Variants in TNS1 observed in about 807,000 individuals in gnomAD.
TNS1 encodes tensin-1.
Under a neutral mutation model 168.6 loss-of-function variants are expected in TNS1, and 62 were observed. The observed-to-expected ratio is 0.37, with a 90% confidence interval of 0.30 to 0.45. TNS1 has a LOEUF of 0.45. Ranked by LOEUF, TNS1 falls within the 20% of genes least tolerant of loss-of-function variation. The pLI is 1.00. For missense variants in TNS1, 2,240 were observed against 2,339.4 expected (o/e 0.96, Z 0.88); for synonymous variants, 934 against 933.2 (o/e 1.00, Z -0.02).
At chr2:218,022,882 A>G in intron 1 of TNS1, among the ~76,000 whole-genome samples, 1 of 152,160 alleles carries the variant, frequency 6.6e-6, no homozygotes, top group East Asian at 1.9e-4. Context: ...GGGGGCAGTC[A>G]GAAGAGCCAA....
At chr2:218,029,035 G>A (rs200732243) in intron 1 of TNS1, among the ~76,000 whole-genome samples, 27 of 152,276 alleles carry the variant, frequency 1.8e-4, no homozygotes, top group Non-Finnish European at 3.7e-4. Context: ...TTTCCCTTCC[G>A]GAAATAGCAA....
At chr2:217,833,866 T>G (rs1452988331) in intron 21 of TNS1, among the ~76,000 whole-genome samples, 2 of 152,244 alleles carry the variant, frequency 1.3e-5, no homozygotes, top group Non-Finnish European at 2.9e-5. Flanking sequence ...TGGGGTTAAA[T>G]AAAACATATT....
chr2:217,818,053 A>C lies in TNS1; in HGVS notation c.4279T>G (p.Tyr1427Asp). 6.2e-7 allele frequency: 1 copy of C among 1,609,380 alleles called. No individual in the cohort carries two copies. The highest frequency in any genetic ancestry group is 8.5e-7 in the Non-Finnish European group (1 of 1,177,864). ...TCCTCCGGGGTAGAATAGCCACCAT[A>C]GGCCACATGCCGGTCCAAGCAGGGG... is the stretch of plus-strand genomic sequence containing the variant. ...GSPCLDRHVA[Y>D]GGYSTPEDRR... Residue 1427 changes from tyrosine to aspartate, a missense_variant, in exon 24 of 33, where the codon TAT (tyrosine) becomes GAT (aspartate). Tyr to Asp is a radical substitution (Grantham distance 160). Around this residue, in one of 2 missense-constraint regions of TNS1, gnomAD observed 2,131 missense variants for 2,171.2 expected, o/e 0.98. Coordinates refer to ENST00000682258, the MANE Select transcript of TNS1 (RefSeq NM_001387777.1).
intron 3 of TNS1, among the ~76,000 whole-genome samples, chr2:217,925,127 TA>T (rs1309786582): frequency 6.6e-6 from 1 of 152,266 alleles, no homozygotes. Flanking sequence ...TATTATTGCC[TA>T]TTTTATTGTG....
chr2:217,965,057 G>C (rs367852481), intron 3 of TNS1, among the ~76,000 whole-genome samples: 7 of 152,346 alleles, frequency 4.6e-5, no homozygotes, highest in African/African-American at 1.4e-4. Context: ...AGGGCCAGCA[G>C]GTGGCTGCAG....
chr2:217,839,656 G>A (rs897265461), intron 19 of TNS1, among the ~76,000 whole-genome samples: 1 of 152,136 alleles, frequency 6.6e-6, no homozygotes, highest in Non-Finnish European at 1.5e-5. Context: ...AAGCACTGCT[G>A]CCCACCACCC....
Position 217,890,974 on chromosome 2 carries a change from G to A in TNS1, c.854C>T (p.Pro285Leu). 1 of 1,614,248 alleles carries A rather than the reference G, an allele frequency of 6.2e-7. No homozygotes were observed. The highest frequency in any genetic ancestry group is 1.1e-5 in the South Asian group (1 of 91,086). Residue 285 changes from proline (P) to leucine (L), a missense_variant, in exon 12 of 33, where the codon CCA becomes CTA. Pro to Leu is a moderately conservative substitution (Grantham distance 98). Transcript: ENST00000682258. ...CCCAGAGACCCACCTTCTTTGGGAT[G>A]GCTGGCCAATGGGCACAATCTTATC... is the stretch of plus-strand genomic sequence containing the variant. ...YEDKIVPIGQPSQRRYVHYFS... is the reference protein window; with the variant it reads ...YEDKIVPIGQLSQRRYVHYFS...
chr2:217,930,159 G>A (rs971480728), intron 3 of TNS1, among the ~76,000 whole-genome samples: 1 of 152,178 alleles, frequency 6.6e-6, no homozygotes, highest in African/African-American at 2.4e-5. Context: ...CATTCAATAC[G>A]GCGCACTCTG....
At position 217,818,480 on chromosome 2, in the gene TNS1, C is replaced by T. The variant is rs2552525; in HGVS notation, c.3852G>A (p.Ala1284=). 20,236 of 1,614,166 alleles carry T rather than the reference C, an allele frequency of 0.013. 2,079 individuals carry two copies. The African/African-American group carries it at 0.23, about 18-fold the overall frequency. ...GVHTVPGSPQ[A]RHRTVGTNTP... ...TGTTGGTGCCCACTGTTCTGTGGCG[C>T]GCCTGAGGGCTCCCAGGCACCGTGT... Residue 1284 remains alanine (A), a synonymous_variant, in exon 24 of 33, where the codon GCG becomes GCA. Coordinates refer to ENST00000682258, the MANE Select transcript of TNS1 (RefSeq NM_001387777.1).
intron 1 of TNS1, among the ~76,000 whole-genome samples, chr2:218,022,626 C>T (rs1490334973): frequency 6.6e-6 from 1 of 151,788 alleles, no homozygotes; most frequent in Non-Finnish European, 1.5e-5. Flanking sequence ...CACAAAGGGC[C>T]TCTGGCTCAC....
Position 217,990,100 on chromosome 2 carries a change from A to ACACACATCATCCACACGCCATC in TNS1, c.148+820_148+841dup, listed in dbSNP as rs1467688228. Among the ~76,000 whole-genome samples, 800 of 131,284 alleles carry ACACACATCATCCACACGCCATC rather than the reference A, an allele frequency of 6.1e-3. 4 individuals are homozygous for ACACACATCATCCACACGCCATC. Among genetic ancestry groups the ACACACATCATCCACACGCCATC allele is most frequent in the Non-Finnish European group, 9.7e-3 (591 of 60,976 alleles). 86.1% of individuals were successfully genotyped at this position (131,284 alleles called of 152,430 possible). On this transcript the variant is annotated intron_variant, in intron 2 of 32. Transcript: ENST00000682258. ...TCCACACACCAGCCACGGACCCTCA[A>ACACACATCATCCACACGCCATC]CACACATCATCCACACGCCATCCAC...
intron 1 of TNS1, among the ~76,000 whole-genome samples, chr2:217,998,662 G>C (rs968882176): frequency 2.0e-5 from 3 of 152,166 alleles, no homozygotes; most frequent in African/African-American, 7.2e-5. Flanking sequence ...ACCATGCCCA[G>C]ATAACTTATT....
chr2:217,966,984 A>G (rs1344765125), intron 3 of TNS1, among the ~76,000 whole-genome samples: 6 of 152,220 alleles, frequency 3.9e-5, no homozygotes, highest in Non-Finnish European at 5.9e-5. Flanking sequence ...GGATTAAATG[A>G]GAAGAGTGTC....
chr2:217,989,484 G>A (rs1958294977), intron 2 of TNS1, among the ~76,000 whole-genome samples: 1 of 152,140 alleles, frequency 6.6e-6, no homozygotes, highest in Non-Finnish European at 1.5e-5. Flanking sequence ...ACGTGGGGGT[G>A]AAGGAGAGGG....
At position 217,827,201 on chromosome 2, in the gene TNS1, C is replaced by T. The variant is rs1442647384; in HGVS notation, c.3373+4254G>A. Among the ~76,000 whole-genome samples, 5 of 152,132 alleles carry T rather than the reference C, an allele frequency of 3.3e-5. No homozygotes were observed. The East Asian group carries it at 5.8e-4, about 18-fold the overall frequency. On this transcript the variant is annotated intron_variant, in intron 22 of 32. Coordinates refer to ENST00000682258, the MANE Select transcript of TNS1 (RefSeq NM_001387777.1). ...CCCAAAGCCTGGCAAACAGTCAGCG[C>T]ACAAAGTATTATGAATAAATGAATC...
rs1937699031 is a variant in TNS1 at position 217,803,021 on chromosome 2, C to T, written c.*1438G>A. Reference sequence around the variant, plus strand: ...TTGGCCCAAGTGCAAGCCTTCTGCCCTCTGCTGCATGGGCAGCGTGGCTCA... The same window carrying T: ...TTGGCCCAAGTGCAAGCCTTCTGCCTTCTGCTGCATGGGCAGCGTGGCTCA... On this transcript the variant is annotated 3_prime_UTR_variant, in exon 33 of 33. Transcript: ENST00000682258. 6.6e-6 allele frequency: 1 copy of T among 152,648 alleles called. No homozygotes were observed. The highest frequency in any genetic ancestry group is 1.5e-5 in the Non-Finnish European group (1 of 68,068). The allele number at this position is 152,648 out of a possible 1,614,324, so 9.5% of individuals were successfully genotyped here. A position where few individuals can be genotyped will look rare whatever the true frequency, so the allele number is the denominator to read the frequency against.
chr2:217,964,362 T>C (rs1957571671), intron 3 of TNS1, among the ~76,000 whole-genome samples: 1 of 152,038 alleles, frequency 6.6e-6, no homozygotes, highest in South Asian at 2.1e-4. Context: ...GTGTCAGAGA[T>C]AGTGAGTGTT....
In TNS1 at chr2:217,900,752, G is replaced by A. The variant is rs770607296; in HGVS notation, c.322-240C>T. 72 of 554,116 alleles carry A rather than the reference G, an allele frequency of 1.3e-4. No individual in the cohort carries two copies. The Middle Eastern group carries it at 1.4e-3, about 11-fold the overall frequency. 34.3% of individuals were successfully genotyped at this position (554,116 alleles called of 1,614,324 possible). A position where few individuals can be genotyped will look rare whatever the true frequency, so the allele number is the denominator to read the frequency against. ...CCAGAGGGACAAAAGGAAGAATCCC[G>A]AATGCTGAGGAGTGCACCCCACTGG... On this transcript the variant is annotated intron_variant, in intron 6 of 32. Transcript: ENST00000682258.
Position 217,831,481 on chromosome 2 carries a change from G to C in TNS1, c.3347C>G (p.Ala1116Gly). 6.3e-7 allele frequency: 1 copy of C among 1,588,998 alleles called. No homozygotes were observed. The highest frequency in any genetic ancestry group is 8.6e-7 in the Non-Finnish European group (1 of 1,168,652). Reference sequence around the variant, plus strand: ...TCCTGTGGGGTGCAACAGGATGTCCGCTGGGTTGTGAGGTTTCAGGCCCAG... The same window carrying C: ...TCCTGTGGGGTGCAACAGGATGTCCCCTGGGTTGTGAGGTTTCAGGCCCAG... ...SALGLKPHNP[A>G]DILLHPTGEP... Residue 1116 changes from alanine to glycine, a missense_variant, in exon 22 of 33, where the codon GCG becomes GGG. Coordinates refer to ENST00000682258, the MANE Select transcript of TNS1 (RefSeq NM_001387777.1).
Sources: gnomAD v4.1 joint callset for allele counts (sites outside exome capture counted in the v4.1 genomes callset) on GRCh38, gnomAD v4.1.1 for gene constraint, gnomAD v4.1.1 regional missense constraint, MANE v1.5 for transcripts, NCBI Gene and HGNC (gene_info 2026-07-23, HGNC 2026-07-21) for gene names.